The following PTPRA variants were observed in gnomAD, a reference collection of about 807,000 sequenced individuals.
PTPRA encodes the protein receptor-type tyrosine-protein phosphatase alpha.
Under a neutral mutation model 104.8 loss-of-function variants are expected in PTPRA, and 25 were observed. The ratio of observed to expected loss-of-function variants is 0.24; its 90% CI spans 0.17 to 0.33. The LOEUF (loss-of-function observed/expected upper bound fraction) is 0.33, where lower values mean the gene tolerates loss of function less well. Among genes scored for constraint, PTPRA ranks in the 10% least tolerant of loss-of-function variants. The pLI is 1.00. For missense variants in PTPRA, 765 were observed against 1,015.3 expected, an observed-to-expected ratio of 0.75 and a Z score of 3.35; for synonymous variants, 323 against 368.9, an observed-to-expected ratio of 0.88 and a Z score of 1.43.
chr20:3,008,745 C>CAAAA (rs71195810), intron 11 of PTPRA, among the ~76,000 whole-genome samples: 2 of 99,366 alleles, frequency 2.0e-5, no homozygotes, highest in Middle Eastern at 5.2e-3. Flanking sequence ...AAAAAAAAAA[C>CAAAA]AAAAAAAAAA....
intron 1 of PTPRA, among the ~76,000 whole-genome samples, chr20:2,894,690 A>G (rs893654313): frequency 1.3e-5 from 2 of 152,062 alleles, no homozygotes; most frequent in Non-Finnish European, 2.9e-5. Flanking sequence ...TTGTACGTAT[A>G]AGATTTAGTT....
chr20:2,988,854 A>G (rs1223032341), intron 9 of PTPRA, among the ~76,000 whole-genome samples: 1 of 152,234 alleles, frequency 6.6e-6, no homozygotes. Flanking sequence ...AACAAGAACA[A>G]ATATAACTGT....
intron 1 of PTPRA, among the ~76,000 whole-genome samples, chr20:2,906,246 T>A (rs2059424514): frequency 6.6e-6 from 1 of 152,218 alleles, no homozygotes; most frequent in African/African-American, 2.4e-5. Context: ...ATCAAATATT[T>A]CAGTTACATT....
rs1356807118 is a variant in PTPRA at position 2,997,418 on chromosome 20, TC to T, written c.739-7637del. 3.9e-5 allele frequency among the ~76,000 whole-genome samples: 6 copies of T among 152,320 alleles called. No individual in the cohort carries two copies. The East Asian group carries it at 1.2e-3, about 29-fold the overall frequency. On this transcript the variant is annotated intron_variant, in intron 9 of 23. Coordinates refer to ENST00000399903, the MANE Select transcript of PTPRA (RefSeq NM_001385305.1). ...AGTTTGCTTCGATGGATATATAACATCTAGAATAAAGAAGTTCCTATGCCTA... is the reference window on the plus strand; with the variant it reads ...AGTTTGCTTCGATGGATATATAACATTAGAATAAAGAAGTTCCTATGCCTA...
chr20:2,896,658 T>C (rs752292591), intron 1 of PTPRA, among the ~76,000 whole-genome samples: 2 of 152,138 alleles, frequency 1.3e-5, no homozygotes, highest in Non-Finnish European at 2.9e-5. Context: ...TCCTATAAAA[T>C]CAGGAAATAA....
chr20:2,967,401 CCAGTCCTCCTGTAA>C (rs2061985244), intron 5 of PTPRA, among the ~76,000 whole-genome samples: 1 of 152,152 alleles, frequency 6.6e-6, no homozygotes, highest in Non-Finnish European at 1.5e-5. Context: ...CCACCATTTA[CCAGTCCTCCTGTAA>C]CAGTTACAAT....
chr20:2,910,222 A>G (rs1386698204), intron 1 of PTPRA, among the ~76,000 whole-genome samples: 15 of 92,870 alleles, frequency 1.6e-4, no homozygotes, highest in Non-Finnish European at 2.7e-4. Flanking sequence ...TATATGATAT[A>G]TAATATGTAT....
chr20:2,965,058 A>G lies in PTPRA; in HGVS notation c.271A>G (p.Thr91Ala). The G allele has an allele frequency of 6.2e-7, 1 of 1,614,126 alleles. No individual in the cohort carries two copies. The highest frequency in any genetic ancestry group is 8.5e-7 in the Non-Finnish European group (1 of 1,179,976). ...AGACTCTGACAATGGGACCACAAGA[A>G]CAGCAAGCACCAATTCTATAGGCAT... ...SSDSDNGTTR[T>A]ASTNSIGITI... The change falls in exon 5 of 24, where the codon ACA (threonine) becomes GCA (alanine). Residue 91 changes from threonine to alanine, a missense_variant. Thr to Ala is a moderately conservative substitution (Grantham distance 58). Transcript: ENST00000399903.
chr20:3,038,521 T>TA lies in PTPRA; in HGVS notation c.*389dup. The TA allele has an allele frequency of 3.8e-6, 1 of 262,918 alleles. No individual in the cohort carries two copies. The highest frequency in any genetic ancestry group is 3.9e-5 in the South Asian group (1 of 25,676). The allele number at this position is 262,918 out of a possible 1,614,324, so 16.3% of individuals were successfully genotyped here. On this transcript the variant is annotated 3_prime_UTR_variant, in exon 24 of 24. Transcript: ENST00000399903. ...CTCTCGAGGAAAGTGGTTGTCCCCG[T>TA]ACCACCATGCACTGTAAATATCCCT...
chr20:2,867,311 T>G, the PTPRA span, among the ~76,000 whole-genome samples: 1 of 152,194 alleles, frequency 6.6e-6, no homozygotes, highest in Non-Finnish European at 1.5e-5. Flanking sequence ...GTGGTGGCCT[T>G]TGGAACTCTT....
chr20:2,984,625 C>T (rs563159781), intron 6 of PTPRA, among the ~76,000 whole-genome samples: 7 of 152,284 alleles, frequency 4.6e-5, no homozygotes, highest in African/African-American at 1.7e-4. Flanking sequence ...GTTCAAAGCC[C>T]TTCGATGACA....
At chr20:2,909,958 TATATG>T (rs1173196064) in intron 1 of PTPRA, among the ~76,000 whole-genome samples, 3 of 123,842 alleles carry the variant, frequency 2.4e-5, no homozygotes, top group African/African-American at 6.6e-5. Context: ...TATATTATAA[TATATG>T]ATATATATAT....
chr20:2,992,926 C>T (rs1227730114), intron 9 of PTPRA, among the ~76,000 whole-genome samples: 1 of 152,120 alleles, frequency 6.6e-6, no homozygotes, highest in African/African-American at 2.4e-5. Context: ...AAGCCTGCCT[C>T]TTCAAAAAAT....
intron 19 of PTPRA, 54 bp downstream of exon 19, chr20:3,027,251 G>A (rs1041190498): frequency 5.2e-6 from 8 of 1,546,498 alleles, no homozygotes; most frequent in East Asian, 2.2e-5. Flanking sequence ...GATTCAGCCA[G>A]CACTTGCAGT....
In PTPRA at chr20:2,984,373, T is replaced by A. The variant is rs79486054; in HGVS notation, c.443-2392T>A. Among the ~76,000 whole-genome samples, 65 of 152,292 alleles carry A rather than the reference T, an allele frequency of 4.3e-4. No homozygotes were observed. The East Asian group carries it at 0.012, about 29-fold the overall frequency. On this transcript the variant is annotated intron_variant, in intron 6 of 23. Transcript: ENST00000399903. ...TTAGGCTTTCTCACCCATATTCAAC[T>A]GAAAATACTCTTGGAAAGGTCACCA...
intron 16 of PTPRA, among the ~76,000 whole-genome samples, chr20:3,023,921 T>C (rs769692716): frequency 1.3e-5 from 2 of 152,170 alleles, no homozygotes; most frequent in Admixed American, 6.5e-5. Context: ...TTATAAATTA[T>C]GTATTCAAAG....
At chr20:2,948,449 A>T (rs2061221001) in intron 3 of PTPRA, among the ~76,000 whole-genome samples, 2 of 152,182 alleles carry the variant, frequency 1.3e-5, no homozygotes, top group Admixed American at 1.3e-4. Flanking sequence ...TTCTCTTCCC[A>T]GTACTCAACC....
At chr20:3,009,518 G>A (rs951505527) in intron 11 of PTPRA, among the ~76,000 whole-genome samples, 2 of 152,122 alleles carry the variant, frequency 1.3e-5, no homozygotes, top group African/African-American at 4.8e-5. Context: ...CAAAAAATAG[G>A]CTATTAGATG....
At chr20:2,878,789 A>G (rs1467089106) in intron 1 of PTPRA, among the ~76,000 whole-genome samples, 2 of 152,236 alleles carry the variant, frequency 1.3e-5, no homozygotes, top group African/African-American at 4.8e-5. Context: ...GATACCTTGA[A>G]TTAGGTTTAA....
Sources: allele counts gnomAD v4.1 joint callset (sites outside exome capture counted in the v4.1 genomes callset), GRCh38; gene constraint gnomAD v4.1.1; transcripts MANE v1.5; gene names NCBI Gene and HGNC (gene_info 2026-07-23, HGNC 2026-07-21).